Variants in SCN10A observed in about 807,000 individuals in gnomAD.
SCN10A encodes sodium voltage-gated channel alpha subunit 10.
SCN10A carries 162 observed loss-of-function variants against 170.7 expected under a neutral mutation model. The ratio of observed to expected loss-of-function variants is 0.95; its 90% CI spans 0.84 to 1.08. SCN10A has a LOEUF of 1.08. SCN10A is among the 50% of genes least tolerant of loss of function. SCN10A has a pLI of 0.00. For synonymous variants in SCN10A, 985 were observed against 904.6 expected (o/e 1.09, Z -1.59); for missense variants, 2,527 against 2,436.9 (o/e 1.04, Z -0.78).
At chr3:38,723,974 C>T (rs576722503) in intron 18 of SCN10A, among the ~76,000 whole-genome samples, 18 of 152,156 alleles carry the variant, frequency 1.2e-4, no homozygotes, top group Non-Finnish European at 2.2e-4. Context: ...CCCCATTTGT[C>T]GCTGTCAGGC....
At chr3:38,714,260 A>G (rs2063308239) in intron 21 of SCN10A, among the ~76,000 whole-genome samples, 180 bp from the exon 22 acceptor site, 1 of 152,136 alleles carries the variant, frequency 6.6e-6, no homozygotes, top group African/African-American at 2.4e-5. Context: ...CTTCCCTTTT[A>G]TTAAAAATTT....
At chr3:38,782,069 T>C (rs1371021437) in intron 4 of SCN10A, among the ~76,000 whole-genome samples, 1 of 152,178 alleles carries the variant, frequency 6.6e-6, no homozygotes, top group Non-Finnish European at 1.5e-5. Context: ...CTCTCTGTTT[T>C]ATCCATTATC....
At chr3:38,709,688 A>T (rs2063251339) in intron 24 of SCN10A, 73 bp from the exon 25 acceptor site, 1 of 1,373,550 alleles carries the variant, frequency 7.3e-7, no homozygotes, top group East Asian at 2.5e-5. Flanking sequence ...AGCCAAGCCT[A>T]AGACATGGAC....
chr3:38,788,882 G>T, intron 4 of SCN10A, 74 bp downstream of exon 4: 1 of 913,274 alleles, frequency 1.1e-6, no homozygotes, highest in Non-Finnish European at 1.8e-6. Context: ...ATAAATAAAA[G>T]ACAAAGACTG....
At chr3:38,754,382 A>G (rs1576005065) in intron 11 of SCN10A, among the ~76,000 whole-genome samples, 1 of 152,356 alleles carries the variant, frequency 6.6e-6, no homozygotes, top group East Asian at 1.9e-4. Flanking sequence ...GGAAAAGAAC[A>G]TGTTCTAGTC....
intron 15 of SCN10A, among the ~76,000 whole-genome samples, chr3:38,731,520 G>C (rs181307118): frequency 6.6e-6 from 1 of 152,254 alleles, no homozygotes; most frequent in Non-Finnish European, 1.5e-5. Context: ...CAAAGAGTAA[G>C]AAATCAGTAA....
intron 15 of SCN10A, among the ~76,000 whole-genome samples, chr3:38,737,355 A>G (rs1053879278): frequency 6.6e-6 from 1 of 152,180 alleles, no homozygotes; most frequent in African/African-American, 2.4e-5. Flanking sequence ...GTGCATAGGT[A>G]CCTTATATTG....
chr3:38,746,100 T>TATATATATATATATATATATCTAG (rs71085336), intron 13 of SCN10A, among the ~76,000 whole-genome samples: 19 of 99,818 alleles, frequency 1.9e-4, no homozygotes, highest in African/African-American at 5.0e-4. Context: ...TATATATATA[T>TATATATATATATATATATATCTAG]GCCATCTTTG....
Position 38,709,490 on chromosome 3 carries a change from T to A in SCN10A, c.4269A>T (p.Gln1423His), listed in dbSNP as rs1395799630. 6.2e-7 allele frequency: 1 copy of A among 1,608,368 alleles called. No individual in the cohort carries two copies. The highest frequency in any genetic ancestry group is 8.5e-7 in the Non-Finnish European group (1 of 1,178,268). The change falls in exon 25 of 28, where the codon CAA becomes CAT. Residue 1423 changes from glutamine (Q) to histidine (H), a missense_variant. Physicochemically the swap from Gln to His is conservative, Grantham distance 24 (BLOSUM62 0). Coordinates refer to ENST00000449082, the MANE Select transcript of SCN10A (RefSeq NM_006514.4). ...GAGCACCACTTATCTTTTTTTTCTG[T>A]TGATTGAAGTTGTCAATTATGACCC... ...FVGVIIDNFN[Q>H]QKKKLGGQDI...
At chr3:38,705,105 G>A (rs1462485319) in intron 26 of SCN10A, among the ~76,000 whole-genome samples, 1 of 152,242 alleles carries the variant, frequency 6.6e-6, no homozygotes, top group Non-Finnish European at 1.5e-5. Context: ...GGGTCCTGGA[G>A]TGCAGCCATC....
chr3:38,727,427 T>G (rs2063469916), intron 16 of SCN10A, among the ~76,000 whole-genome samples: 1 of 152,176 alleles, frequency 6.6e-6, no homozygotes, highest in East Asian at 1.9e-4. Flanking sequence ...TCTTGCTGCT[T>G]CCAGTTCTTC....
chr3:38,710,111 G>A (rs534483979), intron 24 of SCN10A, among the ~76,000 whole-genome samples: 1 of 152,178 alleles, frequency 6.6e-6, no homozygotes, highest in Non-Finnish European at 1.5e-5. Context: ...GCCTGCCACA[G>A]CAGGAAGTGG....
chr3:38,701,806 TG>T, intron 27 of SCN10A, 32 bp downstream of exon 27: 1 of 1,567,642 alleles, frequency 6.4e-7, no homozygotes, highest in Non-Finnish European at 8.6e-7. Flanking sequence ...CAAACAGAGG[TG>T]GGGCTTCCCC....
chr3:38,718,285 T>A (rs536169328), intron 21 of SCN10A, among the ~76,000 whole-genome samples: 1 of 152,282 alleles, frequency 6.6e-6, no homozygotes, highest in East Asian at 1.9e-4. Context: ...GTGGGAAGAT[T>A]CTCTGTGCTC....
chr3:38,737,777 T>C (rs891079255), intron 15 of SCN10A, among the ~76,000 whole-genome samples: 75 of 75,732 alleles, frequency 9.9e-4, no homozygotes, highest in African/African-American at 3.9e-3. Flanking sequence ...TCCCTCTCTC[T>C]CTCCCTCCCT....
intron 5 of SCN10A, among the ~76,000 whole-genome samples, chr3:38,768,420 G>A (rs1575164524): frequency 1.3e-5 from 2 of 151,956 alleles, no homozygotes; most frequent in South Asian, 2.1e-4. Context: ...AGCATTTCTT[G>A]TAGTGCTGGC....
rs771029510 is a variant in SCN10A, at chr3:38,726,900, G to A, written c.2793C>T (p.Phe931=). ...GGGGGAATGGGCAGGACCTGCTGAA[G>A]AAGCTGCAAAGAGCCTGTTTGGTAC... ...GHRTKQALCS[F]FSRSCPFPQP... Residue 931 remains phenylalanine, a synonymous_variant, in exon 17 of 28, where the codon TTC becomes TTT. Transcript: ENST00000449082. 3 of 1,614,238 alleles carry A rather than the reference G, an allele frequency of 1.9e-6. No homozygotes were observed. The highest frequency in any genetic ancestry group is 3.3e-5 in the Admixed American group (2 of 60,030).
chr3:38,718,616 G>T, intron 21 of SCN10A, 37 bp downstream of exon 21: 2 of 1,607,574 alleles, frequency 1.2e-6, no homozygotes, highest in South Asian at 1.1e-5. Flanking sequence ...CAGAGGGGAG[G>T]ACCCCAAACC....
chr3:38,719,274 A>G (rs1320898127), intron 20 of SCN10A, among the ~76,000 whole-genome samples: 1 of 152,026 alleles, frequency 6.6e-6, no homozygotes, highest in African/African-American at 2.4e-5. Flanking sequence ...AATTCAAATT[A>G]AAAGAAGATG....
Sources: allele counts gnomAD v4.1 joint callset (sites outside exome capture counted in the v4.1 genomes callset), GRCh38; gene constraint gnomAD v4.1.1; transcripts MANE v1.5; gene names NCBI Gene and HGNC (gene_info 2026-07-23, HGNC 2026-07-21).